KCNU1: variants seen among roughly 807,000 people sequenced by gnomAD.
The protein encoded by KCNU1 is potassium calcium-activated channel subfamily U member 1.
Under a neutral mutation model 126.8 loss-of-function variants are expected in KCNU1, and 93 were observed. The observed-to-expected ratio is 0.73, with a 90% CI of 0.62 to 0.87. KCNU1 has a LOEUF of 0.87. Ranked by LOEUF, KCNU1 falls within the 40% of genes least tolerant of loss-of-function variation. KCNU1 has a pLI of 0.00. For missense variants in KCNU1, 1,330 were observed against 1,367.1 expected (o/e 0.97, Z 0.43); for synonymous variants, 523 against 494.2 (o/e 1.06, Z -0.77).
intron 14 of KCNU1, among the ~76,000 whole-genome samples, chr8:36,839,183 C>T (rs1804861952): frequency 2.0e-5 from 3 of 152,104 alleles, no homozygotes; most frequent in Admixed American, 1.3e-4. Context: ...AATTGTAGCT[C>T]GAAGAACATT....
chr8:36,910,744 T>A (rs368431744), intron 21 of KCNU1, among the ~76,000 whole-genome samples, 186 bp from the exon 22 acceptor site: 1 of 152,272 alleles, frequency 6.6e-6, no homozygotes, highest in Non-Finnish European at 1.5e-5. Context: ...GTATTCACAC[T>A]AAAATATTAA....
intron 18 of KCNU1, among the ~76,000 whole-genome samples, chr8:36,848,876 AT>A (rs745689646): frequency 8.5e-5 from 13 of 152,128 alleles, no homozygotes; most frequent in Non-Finnish European, 1.3e-4. Context: ...CACTGTATAT[AT>A]GTGTGGGGGA....
chr8:36,789,518 G>C (rs1802829284), intron 2 of KCNU1, among the ~76,000 whole-genome samples: 2 of 151,918 alleles, frequency 1.3e-5, no homozygotes, highest in Admixed American at 1.3e-4. Context: ...AATATTTATT[G>C]TTTGCCAAGT....
chr8:36,913,203 C>CA (rs927634672), intron 22 of KCNU1, among the ~76,000 whole-genome samples: 5 of 151,464 alleles, frequency 3.3e-5, no homozygotes, highest in Non-Finnish European at 7.4e-5. Context: ...ATTCAATCAA[C>CA]AAAAAAATAT....
intron 10 of KCNU1, among the ~76,000 whole-genome samples, chr8:36,826,951 C>G (rs1226849216): frequency 6.6e-6 from 1 of 152,156 alleles, no homozygotes; most frequent in Admixed American, 6.6e-5. Flanking sequence ...TATACTGTAG[C>G]TAGTTTTCAA....
At chr8:36,796,563 C>A (rs906048349) in intron 2 of KCNU1, among the ~76,000 whole-genome samples, 7 of 152,146 alleles carry the variant, frequency 4.6e-5, no homozygotes, top group African/African-American at 1.7e-4. Flanking sequence ...CCTATTGTAT[C>A]TTCTTGGTTG....
At chr8:36,888,989 C>T (rs1374053921) in intron 19 of KCNU1, 1 of 400,820 alleles carries the variant, frequency 2.5e-6, no homozygotes, top group East Asian at 7.1e-5. Flanking sequence ...AGTGATTCTC[C>T]TGCCTCAGTC....
chr8:36,804,681 G>T (rs1367044673), intron 3 of KCNU1, among the ~76,000 whole-genome samples: 3 of 152,152 alleles, frequency 2.0e-5, no homozygotes, highest in Non-Finnish European at 4.4e-5. Context: ...TAGCTAAAAT[G>T]GAATTGGGAT....
intron 22 of KCNU1, among the ~76,000 whole-genome samples, chr8:36,915,115 A>T (rs1808047727): frequency 2.0e-5 from 3 of 152,224 alleles, no homozygotes; most frequent in Admixed American, 2.0e-4. Flanking sequence ...AGAACACTAG[A>T]TTCTAAAAGT....
intron 8 of KCNU1, 83 bp from the exon 9 acceptor site, chr8:36,815,513 C>A (rs1475561967): frequency 1.5e-6 from 1 of 652,836 alleles, no homozygotes; most frequent in Non-Finnish European, 2.6e-6. Context: ...TATGTACCCT[C>A]CTTTTCCTTT....
intron 19 of KCNU1, among the ~76,000 whole-genome samples, chr8:36,882,446 G>A (rs1389452380): frequency 6.6e-6 from 1 of 152,166 alleles, no homozygotes; most frequent in South Asian, 2.1e-4. Context: ...TAGAATTTCT[G>A]TATTCCTGTG....
intron 2 of KCNU1, among the ~76,000 whole-genome samples, chr8:36,800,646 G>A (rs1481499279): frequency 1.3e-5 from 2 of 152,156 alleles, no homozygotes; most frequent in Non-Finnish European, 2.9e-5. Context: ...ACCTGTCTCT[G>A]AACAGCCAGC....
At chr8:36,920,735 C>A (rs767717101) in intron 23 of KCNU1, among the ~76,000 whole-genome samples, 2 of 152,100 alleles carry the variant, frequency 1.3e-5, no homozygotes, top group Non-Finnish European at 2.9e-5. Context: ...CGTGCGCGCA[C>A]GTGCGCATGT....
chr8:36,818,715 G>A (rs1251536409), intron 10 of KCNU1, among the ~76,000 whole-genome samples: 7 of 152,182 alleles, frequency 4.6e-5, no homozygotes, highest in Non-Finnish European at 1.5e-5. Flanking sequence ...ATTGTATGTA[G>A]CATCGCCTCC....
At chr8:36,834,027 A>C (rs938399784) in intron 11 of KCNU1, among the ~76,000 whole-genome samples, 4 of 152,230 alleles carry the variant, frequency 2.6e-5, no homozygotes, top group Non-Finnish European at 4.4e-5. Context: ...CTCTGAGTCC[A>C]TCAGCTTTAA....
intron 7 of KCNU1, among the ~76,000 whole-genome samples, chr8:36,811,935 G>A (rs892207236): frequency 6.6e-6 from 1 of 152,104 alleles, no homozygotes. Flanking sequence ...ATGGTGGCAT[G>A]CACCTGTAAT....
chr8:36,914,135 C>A (rs1808002169), intron 22 of KCNU1, among the ~76,000 whole-genome samples: 1 of 152,130 alleles, frequency 6.6e-6, no homozygotes, highest in Non-Finnish European at 1.5e-5. Context: ...AATACACACC[C>A]CCAAGAACTG....
intron 10 of KCNU1, among the ~76,000 whole-genome samples, chr8:36,820,185 A>G (rs1429101829): frequency 6.6e-6 from 1 of 152,202 alleles, no homozygotes; most frequent in Non-Finnish European, 1.5e-5. Flanking sequence ...CGGAAGAACA[A>G]CCTGGCTGAG....
At chr8:36,876,762 C>T (rs185900007) in intron 19 of KCNU1, among the ~76,000 whole-genome samples, 2 of 152,220 alleles carry the variant, frequency 1.3e-5, no homozygotes, top group African/African-American at 4.8e-5. Flanking sequence ...TGAAACAGTA[C>T]TTTTCAAGGT....
Sources: allele counts gnomAD v4.1 joint callset (sites outside exome capture counted in the v4.1 genomes callset), GRCh38; gene constraint gnomAD v4.1.1; transcripts MANE v1.5; gene names NCBI Gene and HGNC (gene_info 2026-07-23, HGNC 2026-07-21).